Variants in MGAT4A observed in about 807,000 individuals in gnomAD.
The protein encoded by MGAT4A is alpha-1,3-mannosyl-glycoprotein 4-beta-N-acetylglucosaminyltransferase A.
Under a neutral mutation model 74.1 loss-of-function variants are expected in MGAT4A, and 33 were observed. The ratio of observed to expected loss-of-function variants is 0.45; its 90% CI spans 0.34 to 0.60. The LOEUF is 0.60. MGAT4A is among the 20% of genes least tolerant of loss of function. MGAT4A has a pLI of 0.02. For synonymous variants in MGAT4A, 198 were observed against 210.4 expected (o/e 0.94, Z 0.51); for missense variants, 479 against 628.3 (o/e 0.76, Z 2.54).
At chr2:98,712,911 C>G (rs1170191891) in intron 2 of MGAT4A, among the ~76,000 whole-genome samples, 1 of 152,182 alleles carries the variant, frequency 6.6e-6, no homozygotes. Context: ...CCTGTAATCC[C>G]AGCACTTTAG....
chr2:98,651,106 C>G (rs181119091), intron 8 of MGAT4A, among the ~76,000 whole-genome samples: 7 of 151,692 alleles, frequency 4.6e-5, no homozygotes, highest in Admixed American at 2.0e-4. Flanking sequence ...TAAGACTTTC[C>G]CAGATAAACA....
intron 2 of MGAT4A, among the ~76,000 whole-genome samples, chr2:98,699,527 C>CCA (rs1482012616): frequency 6.6e-6 from 1 of 151,936 alleles, no homozygotes; most frequent in East Asian, 1.9e-4. Context: ...CCCCTAAATG[C>CCA]CATTGCCTTA....
At chr2:98,706,837 T>C (rs1157290214) in intron 2 of MGAT4A, among the ~76,000 whole-genome samples, 2 of 149,074 alleles carry the variant, frequency 1.3e-5, no homozygotes, top group Non-Finnish European at 1.5e-5. Context: ...GCAGCAGAGA[T>C]GGAAACTGGC....
At chr2:98,642,252 G>A (rs571377006) in intron 10 of MGAT4A, among the ~76,000 whole-genome samples, 8 of 152,286 alleles carry the variant, frequency 5.3e-5, no homozygotes, top group African/African-American at 1.7e-4. Flanking sequence ...CAAAACCACC[G>A]AGGCAGTGTC....
intron 2 of MGAT4A, among the ~76,000 whole-genome samples, chr2:98,680,192 C>T (rs560701153): frequency 6.6e-5 from 10 of 151,966 alleles, no homozygotes; most frequent in East Asian, 5.8e-4. Context: ...TACAGGCGCG[C>T]GCCACCACAC....
intron 1 of MGAT4A, among the ~76,000 whole-genome samples, chr2:98,728,524 G>A (rs973278264): frequency 6.6e-6 from 1 of 152,090 alleles, no homozygotes; most frequent in Non-Finnish European, 1.5e-5. Flanking sequence ...GAGGCAGGCA[G>A]ATTACCCGAG....
intron 5 of MGAT4A, among the ~76,000 whole-genome samples, chr2:98,659,891 T>C (rs1279979752): frequency 1.3e-5 from 2 of 152,102 alleles, no homozygotes; most frequent in Admixed American, 6.5e-5. Context: ...AAATGCTCAA[T>C]TGTTAAAAGA....
At position 98,675,091 on chromosome 2, in the gene MGAT4A, A is replaced by G. The variant is rs1235691232; in HGVS notation, c.347T>C (p.Leu116Ser). The G allele has an allele frequency of 1.2e-6, 2 of 1,611,762 alleles. No homozygotes were observed. The highest frequency in any genetic ancestry group is 1.7e-5 in the Admixed American group (1 of 59,422). The stretch of plus-strand genomic sequence containing the variant: ...AGGTTGAAGACTTCCTTCATTTTTC[A>G]ATAAATGAGGCAAATGATAATAAAT... ...PSIYYHLPHL[L>S]KNEGSLQPAV... The change falls in exon 4 of 16, where the codon TTG (leucine) becomes TCG (serine). Residue 116 changes from leucine to serine, a missense_variant. By Grantham distance (145) the Leu-to-Ser change is moderately radical (BLOSUM62 -2). Transcript: ENST00000393487.
intron 2 of MGAT4A, among the ~76,000 whole-genome samples, chr2:98,717,742 T>C (rs958223869): frequency 1.3e-5 from 2 of 152,214 alleles, no homozygotes; most frequent in African/African-American, 4.8e-5. Context: ...TGTTTTACTG[T>C]TCTGCAGCTC....
chr2:98,697,460 C>T (rs1394135107), intron 2 of MGAT4A, among the ~76,000 whole-genome samples: 10 of 152,086 alleles, frequency 6.6e-5, no homozygotes, highest in Admixed American at 6.6e-4. Flanking sequence ...TAGAATTGTT[C>T]TATAGTGGTG....
chr2:98,712,654 G>A (rs554124819), intron 2 of MGAT4A, among the ~76,000 whole-genome samples: 166 of 152,268 alleles, frequency 1.1e-3, no homozygotes, highest in Non-Finnish European at 1.9e-3. Context: ...TAAACCTGCT[G>A]AACTGAAGAC....
intron 2 of MGAT4A, among the ~76,000 whole-genome samples, chr2:98,696,911 A>G (rs1702282565): frequency 6.6e-6 from 1 of 152,194 alleles, no homozygotes; most frequent in African/African-American, 2.4e-5. Context: ...TATCTTATGT[A>G]AATTGTAGTA....
At chr2:98,644,684 A>G (rs1379816940) in intron 9 of MGAT4A, among the ~76,000 whole-genome samples, 1 of 151,686 alleles carries the variant, frequency 6.6e-6, no homozygotes, top group Non-Finnish European at 1.5e-5. Context: ...CCAAGGCTGG[A>G]ATGCAGGGGC....
At chr2:98,705,314 A>G (rs966491268) in intron 2 of MGAT4A, among the ~76,000 whole-genome samples, 5 of 152,158 alleles carry the variant, frequency 3.3e-5, no homozygotes, top group African/African-American at 4.8e-5. Context: ...ATGGTTCTAG[A>G]TCGCAGGGAG....
chr2:98,664,386 C>T (rs539562337), intron 4 of MGAT4A, among the ~76,000 whole-genome samples: 5 of 152,232 alleles, frequency 3.3e-5, no homozygotes, highest in South Asian at 4.1e-4. Flanking sequence ...CATTAGCTTA[C>T]GTGCAATTTG....
At chr2:98,723,292 G>A (rs914233277) in intron 2 of MGAT4A, among the ~76,000 whole-genome samples, 4 of 152,240 alleles carry the variant, frequency 2.6e-5, no homozygotes, top group South Asian at 2.1e-4. Context: ...TGCAACTTGC[G>A]CCAGCAGCAT....
intron 8 of MGAT4A, among the ~76,000 whole-genome samples, chr2:98,652,810 T>C (rs1035601048): frequency 6.6e-6 from 1 of 150,670 alleles, no homozygotes; most frequent in African/African-American, 2.4e-5. Flanking sequence ...AGAGACAGGA[T>C]TTCGTCATGT....
At chr2:98,700,446 A>T (rs1559172349) in intron 2 of MGAT4A, among the ~76,000 whole-genome samples, 1 of 151,224 alleles carries the variant, frequency 6.6e-6, no homozygotes, top group African/African-American at 2.4e-5. Flanking sequence ...TCTATCTATA[A>T]GGTAGGTCTC....
intron 2 of MGAT4A, among the ~76,000 whole-genome samples, chr2:98,692,433 T>C (rs1201570497): frequency 6.6e-6 from 1 of 152,118 alleles, no homozygotes; most frequent in Non-Finnish European, 1.5e-5. Context: ...GAAAGAATAA[T>C]ATTTTTATAA....
Sources: allele counts gnomAD v4.1 joint callset (sites outside exome capture counted in the v4.1 genomes callset), GRCh38; gene constraint gnomAD v4.1.1; transcripts MANE v1.5; gene names NCBI Gene and HGNC (gene_info 2026-07-23, HGNC 2026-07-21).